Variants in CAMSAP3 observed in about 807,000 individuals in gnomAD.
CAMSAP3 encodes the protein calmodulin-regulated spectrin-associated protein 3.
CAMSAP3 carries 34 observed loss-of-function variants against 112.5 expected under a neutral mutation model. The observed-to-expected ratio is 0.30, with a 90% confidence interval of 0.23 to 0.40. The LOEUF (loss-of-function observed/expected upper bound fraction) is 0.40, where lower values mean the gene tolerates loss of function less well. Among genes scored for constraint, CAMSAP3 ranks in the 10% least tolerant of loss-of-function variants. The pLI, the probability that CAMSAP3 is intolerant of heterozygous loss-of-function variation, is 1.00. For missense variants in CAMSAP3, 1,602 were observed against 1,770.3 expected, an observed-to-expected ratio of 0.90 and a Z score of 1.71; for synonymous variants, 868 against 799.8, an observed-to-expected ratio of 1.09 and a Z score of -1.44.
At chr19:7,614,928 C>T in intron 11 of CAMSAP3, 2 of 580,816 alleles carry the variant, frequency 3.4e-6, no homozygotes, top group Admixed American at 6.0e-5. Context: ...CTGGCACTCA[C>T]TGCTGTCTGC....
chr19:7,600,662 CCACT>C (rs2029914601), intron 1 of CAMSAP3, among the ~76,000 whole-genome samples: 1 of 87,102 alleles, frequency 1.1e-5, no homozygotes, highest in Non-Finnish European at 2.3e-5. Context: ...ACCCACTCAT[CCACT>C]CATCCATCCA....
rs768594094 is a variant in CAMSAP3 at position 7,613,049 on chromosome 19, A to T, written c.2556A>T (p.Ala852=). 9 of 1,550,534 alleles carry T rather than the reference A, an allele frequency of 5.8e-6. No homozygotes were observed. Among genetic ancestry groups the T allele is most frequent in the Middle Eastern group, 2.0e-4 (1 of 4,918 alleles). ...TCGAGATCCCGCTGGGCAGCCTGGC[A>T]GATCCCGCCGCCGAGGACGAGGGAG... ...GLIEIPLGSL[A]DPAAEDEGDG... The change falls in exon 11 of 17, where the codon GCA becomes GCT. Residue 852 remains alanine (A), a synonymous_variant. Transcript: ENST00000160298.
Position 7,612,050 on chromosome 19 carries a change from C to T in CAMSAP3, c.1557C>T (p.Tyr519=), listed in dbSNP as rs771210157. The T allele has an allele frequency of 9.9e-6, 16 of 1,611,994 alleles. No homozygotes were observed. The highest frequency in any genetic ancestry group is 1.6e-4 in the Middle Eastern group (1 of 6,078). ...ACAGGCCCACCAAAGCACCAGTGTA[C>T]ATGCCACACCCCGAGACCCCCTCGA... ...LSDRPTKAPV[Y]MPHPETPSKP... is the part of the protein sequence containing the mutation. The change falls in exon 11 of 17, where the codon TAC becomes TAT. Residue 519 remains tyrosine, a synonymous_variant. Coordinates refer to ENST00000160298, the MANE Select transcript of CAMSAP3 (RefSeq NM_020902.2).
At chr19:7,613,503 G>T (rs2146173155) in intron 11 of CAMSAP3, among the ~76,000 whole-genome samples, 1 of 150,990 alleles carries the variant, frequency 6.6e-6, no homozygotes, top group East Asian at 2.0e-4. Flanking sequence ...TCCTCCCCCT[G>T]TGGCTTAATG....
intron 2 of CAMSAP3, 133 bp from the exon 3 acceptor site, chr19:7,606,138 C>G: frequency 2.2e-6 from 1 of 455,692 alleles, no homozygotes. Flanking sequence ...AACCACTGGC[C>G]CCGCCCCCTC....
rs562277618 is a variant in CAMSAP3 at position 7,602,727 on chromosome 19, G to A, written c.149-2499G>A. 1.9e-4 allele frequency among the ~76,000 whole-genome samples: 29 copies of A among 151,846 alleles called. 1 individual carries two copies. Among genetic ancestry groups the A allele is most frequent in the Admixed American group, 1.6e-3 (25 of 15,226 alleles). On this transcript the variant is annotated intron_variant, in intron 1 of 16. Transcript: ENST00000160298. ...TTCAGGTGGCCCTGGAAGCCGTCAC[G>A]GGGTAGGGTGGCCTGGGGTGGGGGT... is the stretch of plus-strand genomic sequence containing the variant.
intron 1 of CAMSAP3, among the ~76,000 whole-genome samples, chr19:7,598,569 A>G (rs2029861661): frequency 1.3e-5 from 2 of 152,252 alleles, no homozygotes; most frequent in Non-Finnish European, 2.9e-5. Flanking sequence ...ACAAGCTTGG[A>G]GATTAGATAA....
rs2030124154 is a variant in CAMSAP3 at position 7,604,838 on chromosome 19, G to T, written c.149-388G>T. Among the ~76,000 whole-genome samples the T allele has an allele frequency of 3.3e-5, 5 of 152,146 alleles. No homozygotes were observed. In the South Asian group the frequency reaches 8.3e-4, roughly 25 times the overall value. On this transcript the variant is annotated intron_variant, in intron 1 of 16. Coordinates refer to ENST00000160298, the MANE Select transcript of CAMSAP3 (RefSeq NM_020902.2). Reference sequence around the variant, plus strand: ...ATGTAAGGCTCAGTGAGTCTACATTGGCAAGAGCAGGAAGGCTCTTAGGAT... The same window carrying T: ...ATGTAAGGCTCAGTGAGTCTACATTTGCAAGAGCAGGAAGGCTCTTAGGAT...
Position 7,607,640 on chromosome 19 carries a change from T to C in CAMSAP3, c.622-486T>C, listed in dbSNP as rs1033796349. On this transcript the variant is annotated intron_variant, in intron 4 of 16. Transcript: ENST00000160298. This position sits in a 1 kb window ranked among gnomAD's most constrained non-coding sequence, Gnocchi z 4.9. Reference sequence around the variant, plus strand: ...CCCGCATAAGAGGGGGTTCCTACTCTGTGGGGTCCCTTGGGGCTGGGAGGA... The same window carrying C: ...CCCGCATAAGAGGGGGTTCCTACTCCGTGGGGTCCCTTGGGGCTGGGAGGA... Among the ~76,000 whole-genome samples the C allele has an allele frequency of 1.3e-5, 2 of 152,206 alleles. No individual in the cohort carries two copies. The highest frequency in any genetic ancestry group is 4.8e-5 in the African/African-American group (2 of 41,532).
Position 7,617,361 on chromosome 19 carries a change from G to T in CAMSAP3, c.3248G>T (p.Arg1083Leu). ...PSPSGLMSPS[R>L]LPGSRERDWE... ...CCGTCAGGTCTCATGTCCCCAAGCC[G>T]CCTGCCTGGAAGCCGCGAACGGGAC... The change falls in exon 15 of 17, where the codon CGC becomes CTC. Residue 1083 changes from arginine to leucine, a missense_variant. Arg to Leu is a moderately radical substitution (Grantham distance 102). Transcript: ENST00000160298. This position sits in a 1 kb window ranked among gnomAD's most constrained non-coding sequence, Gnocchi z 7.5. The T allele has an allele frequency of 6.2e-7, 1 of 1,613,902 alleles. No individual in the cohort carries two copies. Among genetic ancestry groups the T allele is most frequent in the Non-Finnish European group, 8.5e-7 (1 of 1,179,948 alleles).
At chr19:7,608,333 C>T in intron 5 of CAMSAP3, 69 bp downstream of exon 5, 3 of 1,542,074 alleles carry the variant, frequency 1.9e-6, no homozygotes, top group Non-Finnish European at 2.6e-6. Context: ...GCCCCTAGAC[C>T]CTCCATCCCC....
chr19:7,611,993 C>T lies in CAMSAP3; in HGVS notation c.1500C>T (p.Tyr500=), dbSNP rs1028608592. The T allele has an allele frequency of 1.9e-6, 3 of 1,612,674 alleles. No individual in the cohort carries two copies. Among genetic ancestry groups the T allele is most frequent in the Non-Finnish European group, 2.5e-6 (3 of 1,179,908 alleles). The change falls in exon 11 of 17, where the codon TAC becomes TAT. Residue 500 remains tyrosine (Y), a synonymous_variant. Coordinates refer to ENST00000160298, the MANE Select transcript of CAMSAP3 (RefSeq NM_020902.2). The surrounding 1 kb of genome is among the most constrained non-coding windows in gnomAD (Gnocchi z 6.9). ...CCAAGCCATCCCTGGCCTCCCCCTA[C>T]CTGCCCGAGGGGACCTCCAAACCAC... is the stretch of plus-strand genomic sequence containing the variant. ...GPSKPSLASP[Y]LPEGTSKPLS... is the part of the protein sequence containing the mutation.
rs2030462723 is a variant in CAMSAP3, at chr19:7,611,117, C to T, written c.1072C>T (p.His358Tyr). Reference protein sequence around the residue: ...GSSSPVFTFRHPLLSSGGPQS... With the variant: ...GSSSPVFTFRYPLLSSGGPQS... ...CAGTTCTCCTGTCTTCACCTTCCGC[C>T]ACCCGCTTCTGTCATCTGGTGGCCC... Residue 358 changes from histidine to tyrosine, a missense_variant, in exon 9 of 17, where the codon CAC (histidine) becomes TAC (tyrosine). Around this residue, in one of 6 missense-constraint regions of CAMSAP3, gnomAD observed 1,100 missense variants for 1,135.7 expected, o/e 0.97. Transcript: ENST00000160298. This position sits in a 1 kb window ranked among gnomAD's most constrained non-coding sequence, Gnocchi z 6.9. 6.2e-7 allele frequency: 1 copy of T among 1,613,632 alleles called. No homozygotes were observed. The highest frequency in any genetic ancestry group is 8.5e-7 in the Non-Finnish European group (1 of 1,179,968).
intron 13 of CAMSAP3, 65 bp from the exon 14 acceptor site, chr19:7,616,458 C>A: frequency 8.6e-7 from 1 of 1,156,542 alleles, no homozygotes; most frequent in Non-Finnish European, 1.3e-6. Flanking sequence ...CCACAGCCTG[C>A]TGGACCGGGT....
At position 7,612,166 on chromosome 19, in the gene CAMSAP3, C is replaced by T. The variant is rs1420388903; in HGVS notation, c.1673C>T (p.Thr558Ile). Residue 558 changes from threonine (T) to isoleucine (I), a missense_variant, in exon 11 of 17, where the codon ACC (threonine) becomes ATC (isoleucine). This residue lies in a region of CAMSAP3 where 1,100 missense variants were observed against 1,135.7 expected (regional missense o/e 0.97). Coordinates refer to ENST00000160298, the MANE Select transcript of CAMSAP3 (RefSeq NM_020902.2). ...GCGGTGGCTTCGTCCCCAGCAGCCA[C>T]CAACTCCGAGGTGAAAATGACCAGC... ...PKAVASSPAA[T>I]NSEVKMTSFA... The T allele has an allele frequency of 6.2e-7, 1 of 1,611,850 alleles. No homozygotes were observed. The highest frequency in any genetic ancestry group is 8.5e-7 in the Non-Finnish European group (1 of 1,179,588).
chr19:7,617,362 C>G lies in CAMSAP3; in HGVS notation c.3249C>G (p.Arg1083=), dbSNP rs775864425. 6.2e-7 allele frequency: 1 copy of G among 1,614,142 alleles called. No individual in the cohort carries two copies. The highest frequency in any genetic ancestry group is 8.5e-7 in the Non-Finnish European group (1 of 1,180,000). ...PSPSGLMSPS[R]LPGSRERDWE... ...CGTCAGGTCTCATGTCCCCAAGCCGCCTGCCTGGAAGCCGCGAACGGGACT... is the reference window on the plus strand; with the variant it reads ...CGTCAGGTCTCATGTCCCCAAGCCGGCTGCCTGGAAGCCGCGAACGGGACT... The change falls in exon 15 of 17, where the codon CGC becomes CGG. Residue 1083 remains arginine, a synonymous_variant. Transcript: ENST00000160298. The surrounding 1 kb of genome is among the most constrained non-coding windows in gnomAD (Gnocchi z 7.5).
chr19:7,612,642 A>G lies in CAMSAP3; in HGVS notation c.2149A>G (p.Met717Val). Residue 717 changes from methionine (M) to valine (V), a missense_variant, in exon 11 of 17, where the codon ATG becomes GTG. Met to Val is a conservative substitution (Grantham distance 21, BLOSUM62 1). Transcript: ENST00000160298. Reference sequence around the variant, plus strand: ...CGCCTTGAGCTCGCTGCAGCGGGACATGCAGAGGCTCACGGACCAGCAGCA... The same window carrying G: ...CGCCTTGAGCTCGCTGCAGCGGGACGTGCAGAGGCTCACGGACCAGCAGCA... Reference protein sequence around the residue: ...SAALSSLQRDMQRLTDQQQRL... With the variant: ...SAALSSLQRDVQRLTDQQQRL... The G allele has an allele frequency of 4.6e-6, 7 of 1,518,818 alleles. No individual in the cohort carries two copies. Among genetic ancestry groups the G allele is most frequent in the Non-Finnish European group, 6.2e-6 (7 of 1,134,690 alleles). 94.1% of individuals were successfully genotyped at this position (1,518,818 alleles called of 1,614,324 possible). A position where few individuals can be genotyped will look rare whatever the true frequency, so the allele number is the denominator to read the frequency against.
chr19:7,605,440 G>T lies in CAMSAP3; in HGVS notation c.363G>T (p.Pro121=), dbSNP rs372402053. ...RGTVPALPER[P]VREADLRHQP... ...CAGTGCCTGCTTTGCCCGAGCGCCCGGTGCGCGAGGCCGACCTGAGGCACC... is the reference window on the plus strand; with the variant it reads ...CAGTGCCTGCTTTGCCCGAGCGCCCTGTGCGCGAGGCCGACCTGAGGCACC... Residue 121 remains proline (P), a synonymous_variant, in exon 2 of 17, where the codon CCG becomes CCT. Coordinates refer to ENST00000160298, the MANE Select transcript of CAMSAP3 (RefSeq NM_020902.2). The T allele has an allele frequency of 6.8e-7, 1 of 1,460,108 alleles. No homozygotes were observed. The allele number at this position is 1,460,108 out of a possible 1,614,324, so 90.4% of individuals were successfully genotyped here. A position where few individuals can be genotyped will look rare whatever the true frequency, so the allele number is the denominator to read the frequency against.
rs996053844 is a variant in CAMSAP3, at chr19:7,607,129, T to A, written c.621+558T>A. Among the ~76,000 whole-genome samples, 60 of 151,934 alleles carry A rather than the reference T, an allele frequency of 3.9e-4. No homozygotes were observed. The highest frequency in any genetic ancestry group is 1.4e-3 in the African/African-American group (58 of 41,364). ...AAGAGGGTGGGACCCCCTGAACCTG[T>A]CCCCCTTAGCCGAGGTGGGGAGACC... On this transcript the variant is annotated intron_variant, in intron 4 of 16. Coordinates refer to ENST00000160298, the MANE Select transcript of CAMSAP3 (RefSeq NM_020902.2). The surrounding 1 kb of genome is among the most constrained non-coding windows in gnomAD (Gnocchi z 4.9).
Sources: allele counts gnomAD v4.1 joint callset (sites outside exome capture counted in the v4.1 genomes callset), GRCh38; gene constraint gnomAD v4.1.1; regional missense constraint gnomAD v4.1.1; non-coding constraint Gnocchi (gnomAD v3.1); transcripts MANE v1.5; gene names NCBI Gene and HGNC (gene_info 2026-07-23, HGNC 2026-07-21).